Variants in HERC4 observed in about 807,000 individuals in gnomAD.
HERC4 encodes the protein probable E3 ubiquitin-protein ligase HERC4.
A neutral mutation model predicts 124.3 loss-of-function variants in HERC4; 28 were observed. The observed-to-expected ratio is 0.23, with a 90% confidence interval of 0.17 to 0.31. The LOEUF is 0.31. Ranked by LOEUF, HERC4 falls within the 10% of genes least tolerant of loss-of-function variation. HERC4 has a pLI of 1.00. For synonymous variants in HERC4, 407 were observed against 421.5 expected, an observed-to-expected ratio of 0.97 and a Z score of 0.42; for missense variants, 713 against 1,229.3, an observed-to-expected ratio of 0.58 and a Z score of 6.28.
At chr10:67,953,649 G>A (rs2033956501) in intron 19 of HERC4, among the ~76,000 whole-genome samples, 1 of 152,146 alleles carries the variant, frequency 6.6e-6, no homozygotes, top group South Asian at 2.1e-4. Context: ...AATACCTAAT[G>A]ATACTTGAAA....
In HERC4 at chr10:67,923,015, A is replaced by T; in HGVS notation, c.3066T>A (p.Asp1022Glu). 6.2e-7 allele frequency: 1 copy of T among 1,613,862 alleles called. No homozygotes were observed. The highest frequency in any genetic ancestry group is 8.5e-7 in the Non-Finnish European group (1 of 1,179,744). Residue 1022 changes from aspartate to glutamate, a missense_variant, in exon 25 of 25, where the codon GAT becomes GAA. Physicochemically the swap from Asp to Glu is conservative, Grantham distance 45. Coordinates refer to ENST00000373700, the MANE Select transcript of HERC4 (RefSeq NM_015601.4). ...PVSHTCFNLL[D>E]LPKYTEKETL... ...TTTCTTTTTCTGTATATTTTGGAAG[A>T]TCCAGAAGATTAAAACAAGTATGGG...
intron 16 of HERC4, among the ~76,000 whole-genome samples, chr10:67,963,576 A>C (rs181291682): frequency 5.5e-4 from 84 of 152,282 alleles, no homozygotes; most frequent in Admixed American, 3.0e-3. Flanking sequence ...AAACACCAAG[A>C]GTTTAGAACT....
chr10:67,958,621 C>T (rs1256527668), intron 16 of HERC4, among the ~76,000 whole-genome samples: 3 of 152,090 alleles, frequency 2.0e-5, no homozygotes, highest in African/African-American at 7.2e-5. Flanking sequence ...TTACTTAAAC[C>T]AAAGTGCTAG....
chr10:68,051,691 C>CTT (rs779623868), intron 3 of HERC4, among the ~76,000 whole-genome samples: 9 of 109,614 alleles, frequency 8.2e-5, no homozygotes, highest in African/African-American at 1.0e-4. Context: ...CTTTTCTTTT[C>CTT]TTTTTTTTTT....
chr10:67,986,062 G>A lies in HERC4; in HGVS notation c.1806+2601C>T, dbSNP rs1289893355. 3.3e-5 allele frequency among the ~76,000 whole-genome samples: 5 copies of A among 152,294 alleles called. No homozygotes were observed. The East Asian group carries it at 5.8e-4, about 18-fold the overall frequency. ...GTTTCTTGAATGATACAAATAAATC[G>A]TCCCTCGTAGTTCATATCTACAGAT... On this transcript the variant is annotated intron_variant, in intron 15 of 24. Transcript: ENST00000373700.
intron 4 of HERC4, chr10:68,039,730 A>C: frequency 7.7e-7 from 1 of 1,304,442 alleles, no homozygotes; most frequent in Non-Finnish European, 9.8e-7. Context: ...CAAACAGAGT[A>C]AGGAATAAAA....
chr10:67,925,295 T>C (rs1024235077), intron 23 of HERC4, 108 bp from the exon 24 acceptor site: 18 of 557,572 alleles, frequency 3.2e-5, no homozygotes, highest in Middle Eastern at 2.9e-4. Context: ...ATTCAATGGA[T>C]TGCCCACTGT....
intron 9 of HERC4, among the ~76,000 whole-genome samples, chr10:68,003,725 G>A (rs117303447): frequency 0.094 from 14,235 of 152,094 alleles, 893 homozygotes; most frequent in Middle Eastern, 0.18. Flanking sequence ...ATTCCATTGT[G>A]TATATATACA....
intron 3 of HERC4, among the ~76,000 whole-genome samples, chr10:68,059,474 T>TATATATC (rs1285541465): frequency 1.6e-5 from 2 of 127,668 alleles, no homozygotes; most frequent in African/African-American, 6.3e-5. Context: ...TATTATATAT[T>TATATATC]ATAATATTAT....
intron 9 of HERC4, among the ~76,000 whole-genome samples, chr10:67,996,892 G>C (rs1443860823): frequency 1.3e-5 from 2 of 151,938 alleles, no homozygotes; most frequent in Non-Finnish European, 2.9e-5. Context: ...GGAGGCTGAG[G>C]CAGGAGAATG....
chr10:67,960,488 C>A (rs965729235), intron 16 of HERC4, among the ~76,000 whole-genome samples: 2 of 152,034 alleles, frequency 1.3e-5, no homozygotes, highest in African/African-American at 4.8e-5. Context: ...TGGGTTCAAG[C>A]GATTCTCCTG....
intron 8 of HERC4, among the ~76,000 whole-genome samples, chr10:68,025,283 G>A (rs906589015): frequency 1.3e-5 from 2 of 152,078 alleles, no homozygotes; most frequent in African/African-American, 2.4e-5. Context: ...GAAGCCTTTC[G>A]AGTGTGATAT....
At chr10:67,961,572 T>C (rs967549938) in intron 16 of HERC4, 7 of 152,098 alleles carry the variant, frequency 4.6e-5, no homozygotes, top group African/African-American at 1.7e-4. Flanking sequence ...TTTCAGTGAG[T>C]TCTGGGAGGC....
At chr10:68,037,646 C>A (rs1053691845) in intron 5 of HERC4, among the ~76,000 whole-genome samples, 2 of 152,038 alleles carry the variant, frequency 1.3e-5, no homozygotes, top group Admixed American at 6.6e-5. Context: ...TAAACAGACA[C>A]AAAAATCAAT....
In HERC4 at chr10:68,059,563, T is replaced by C. The variant is rs2040773118; in HGVS notation, c.226+13320A>G. Among the ~76,000 whole-genome samples, 3 of 80,214 alleles carry C rather than the reference T, an allele frequency of 3.7e-5. 1 individual carries two copies. The allele number at this position is 80,214 out of a possible 152,430, so 52.6% of individuals were successfully genotyped here. Reference sequence around the variant, plus strand: ...ATATTATATATCATAATATATATCATAATATTATATATCATATTATATATC... The same window carrying C: ...ATATTATATATCATAATATATATCACAATATTATATATCATATTATATATC... On this transcript the variant is annotated intron_variant, in intron 3 of 24. Transcript: ENST00000373700.
chr10:67,974,403 C>A (rs1263600412), intron 15 of HERC4, among the ~76,000 whole-genome samples: 5 of 152,118 alleles, frequency 3.3e-5, no homozygotes, highest in African/African-American at 1.2e-4. Context: ...AGCTAACTTT[C>A]CTTTGAAGAA....
intron 9 of HERC4, among the ~76,000 whole-genome samples, chr10:68,005,041 T>G (rs1320354226): frequency 6.6e-6 from 1 of 152,232 alleles, no homozygotes. Flanking sequence ...TTCCAATGTA[T>G]GTCCTTGGCG....
intron 5 of HERC4, among the ~76,000 whole-genome samples, chr10:68,034,973 C>T (rs972995518): frequency 6.6e-6 from 1 of 152,084 alleles, no homozygotes; most frequent in East Asian, 1.9e-4. Flanking sequence ...CACTTTTGCT[C>T]CCATATTGCC....
intron 3 of HERC4, among the ~76,000 whole-genome samples, chr10:68,061,123 GC>G (rs2040987182): frequency 6.6e-6 from 1 of 152,052 alleles, no homozygotes; most frequent in African/African-American, 2.4e-5. Context: ...TGCCTACATT[GC>G]CCGCATATAT....
Sources: gnomAD v4.1 joint callset for allele counts (sites outside exome capture counted in the v4.1 genomes callset) on GRCh38, gnomAD v4.1.1 for gene constraint, MANE v1.5 for transcripts, NCBI Gene and HGNC (gene_info 2026-07-23, HGNC 2026-07-21) for gene names.